The following PPARGC1B variants were observed in gnomAD, a reference collection of about 807,000 sequenced individuals.
The protein encoded by PPARGC1B is peroxisome proliferator-activated receptor gamma coactivator 1-beta.
In PPARGC1B, 34 loss-of-function variants were observed where a neutral mutation model predicts 101.6. The ratio of observed to expected loss-of-function variants is 0.33; its 90% CI spans 0.25 to 0.45. PPARGC1B has a LOEUF of 0.45. Ranked by LOEUF, PPARGC1B falls within the 20% of genes least tolerant of loss-of-function variation. The pLI, the probability that PPARGC1B is intolerant of heterozygous loss-of-function variation, is 1.00. For synonymous variants in PPARGC1B, 548 were observed against 539.3 expected, an observed-to-expected ratio of 1.02 and a Z score of -0.22; for missense variants, 1,234 against 1,317.6, an observed-to-expected ratio of 0.94 and a Z score of 0.98.
chr5:149,814,515 C>T (rs544130702), intron 1 of PPARGC1B, among the ~76,000 whole-genome samples: 6 of 152,190 alleles, frequency 3.9e-5, no homozygotes, highest in South Asian at 2.1e-4. Context: ...CAATGAAGGA[C>T]GCATAGTGAG....
At chr5:149,778,180 C>T (rs909919314) in intron 1 of PPARGC1B, among the ~76,000 whole-genome samples, 3 of 151,180 alleles carry the variant, frequency 2.0e-5, no homozygotes, top group African/African-American at 7.3e-5. Context: ...CCTGGCTGCT[C>T]GTATCCATGG....
chr5:149,730,416 C>A lies in PPARGC1B; in HGVS notation c.74C>A (p.Thr25Lys), dbSNP rs369401772. The stretch of plus-strand genomic sequence containing the variant: ...TTCTTCCTCAACTATCTCGCTGACA[C>A]GCAGGTACGGCCGGCTGGGGCTGCG... ...SSFFLNYLAD[T>K]QGGGSGEEQL... The change falls in exon 1 of 12, where the codon ACG (threonine) becomes AAG (lysine). Residue 25 changes from threonine to lysine, a missense_variant. Thr to Lys is a moderately conservative substitution (Grantham distance 78, BLOSUM62 -1). Coordinates refer to ENST00000309241, the MANE Select transcript of PPARGC1B (RefSeq NM_133263.4). The surrounding 1 kb of genome is among the most constrained non-coding windows in gnomAD (Gnocchi z 4.0). 13 of 1,556,886 alleles carry A rather than the reference C, an allele frequency of 8.3e-6. No individual in the cohort carries two copies. In the East Asian group the frequency reaches 3.3e-4, roughly 39 times the overall value.
chr5:149,795,166 A>G (rs768811111), intron 1 of PPARGC1B, among the ~76,000 whole-genome samples: 1 of 152,198 alleles, frequency 6.6e-6, no homozygotes, highest in Non-Finnish European at 1.5e-5. Flanking sequence ...CTCTGAAATG[A>G]AAAGGTTTTT....
chr5:149,756,177 C>G (rs183441666), intron 1 of PPARGC1B, among the ~76,000 whole-genome samples: 3 of 152,236 alleles, frequency 2.0e-5, no homozygotes, highest in African/African-American at 7.2e-5. Flanking sequence ...TTTAAAAATT[C>G]TTGACAGGGT....
At chr5:149,744,294 A>G (rs1755010969) in intron 1 of PPARGC1B, among the ~76,000 whole-genome samples, 1 of 152,218 alleles carries the variant, frequency 6.6e-6, no homozygotes, top group Admixed American at 6.5e-5. Flanking sequence ...AGGCCTCATG[A>G]TATGAGAAGC....
intron 1 of PPARGC1B, among the ~76,000 whole-genome samples, chr5:149,755,073 A>G (rs1034779593): frequency 4.9e-5 from 7 of 142,936 alleles, no homozygotes; most frequent in Admixed American, 2.1e-4. Context: ...ATATATATAT[A>G]ATTTTTTTTT....
intron 3 of PPARGC1B, among the ~76,000 whole-genome samples, chr5:149,827,264 G>C (rs1278917438): frequency 1.3e-5 from 2 of 152,248 alleles, no homozygotes; most frequent in Admixed American, 6.5e-5. Context: ...CCCTCTCTCT[G>C]TTGCTTTTTC....
rs1234838692 is a variant in PPARGC1B, at chr5:149,832,539, C to T, written c.583-117C>T. Reference sequence around the variant, plus strand: ...AAGCTGGGGACGGAATGAAGGAAACCTGGCTGTTCCTATGATCCAGGTGAG... The same window carrying T: ...AAGCTGGGGACGGAATGAAGGAAACTTGGCTGTTCCTATGATCCAGGTGAG... On this transcript the variant is annotated intron_variant, in intron 4 of 11. Coordinates refer to ENST00000309241, the MANE Select transcript of PPARGC1B (RefSeq NM_133263.4). This position sits in a 1 kb window ranked among gnomAD's most constrained non-coding sequence, Gnocchi z 4.9. The T allele has an allele frequency of 2.4e-6, 2 of 832,208 alleles. No individual in the cohort carries two copies. Among genetic ancestry groups the T allele is most frequent in the African/African-American group, 1.7e-5 (1 of 58,074 alleles). The allele number at this position is 832,208 out of a possible 1,614,324, so 51.6% of individuals were successfully genotyped here.
chr5:149,781,353 T>A (rs1412647419), intron 1 of PPARGC1B, among the ~76,000 whole-genome samples: 1 of 152,240 alleles, frequency 6.6e-6, no homozygotes, highest in Non-Finnish European at 1.5e-5. Flanking sequence ...CCTGCCGTTC[T>A]GCATAGCTGC....
chr5:149,750,022 T>C (rs1004142981), intron 1 of PPARGC1B, among the ~76,000 whole-genome samples: 1 of 152,182 alleles, frequency 6.6e-6, no homozygotes, highest in South Asian at 2.1e-4. Context: ...CAGTGGGTAA[T>C]GTCAGTGTAG....
At chr5:149,767,183 A>G (rs1381484459) in intron 1 of PPARGC1B, among the ~76,000 whole-genome samples, 1 of 152,172 alleles carries the variant, frequency 6.6e-6, no homozygotes, top group African/African-American at 2.4e-5. Context: ...TGGGAGAGGA[A>G]GGTGTGGGTT....
chr5:149,733,914 C>G (rs1054883879), intron 1 of PPARGC1B, among the ~76,000 whole-genome samples: 1 of 151,956 alleles, frequency 6.6e-6, no homozygotes, highest in Non-Finnish European at 1.5e-5. Context: ...AAAATACTGC[C>G]AAGCATAAAG....
chr5:149,823,478 C>G (rs1330449164), intron 2 of PPARGC1B, among the ~76,000 whole-genome samples: 3 of 152,158 alleles, frequency 2.0e-5, no homozygotes, highest in Non-Finnish European at 4.4e-5. Context: ...CCTTTTCCCT[C>G]AGATTTCTTG....
chr5:149,793,975 T>TAAAC (rs1431414996), intron 1 of PPARGC1B, among the ~76,000 whole-genome samples: 2 of 152,210 alleles, frequency 1.3e-5, no homozygotes, highest in African/African-American at 4.8e-5. Context: ...TGCCGGTTTT[T>TAAAC]GTAAAGTTTT....
At chr5:149,803,956 A>G (rs1757513701) in intron 1 of PPARGC1B, among the ~76,000 whole-genome samples, 1 of 152,196 alleles carries the variant, frequency 6.6e-6, no homozygotes, top group South Asian at 2.1e-4. Context: ...CTCACTGACC[A>G]CATGACCAAG....
intron 1 of PPARGC1B, among the ~76,000 whole-genome samples, chr5:149,786,012 G>A (rs1431971911): frequency 2.7e-5 from 4 of 150,646 alleles, no homozygotes; most frequent in African/African-American, 4.9e-5. Flanking sequence ...TCGACCTCCC[G>A]GGCTCAAGGG....
Position 149,835,292 on chromosome 5 carries a change from C to T in PPARGC1B, c.1743-9C>T, listed in dbSNP as rs1759000823. The T allele has an allele frequency of 6.2e-7, 1 of 1,614,076 alleles. No homozygotes were observed. The highest frequency in any genetic ancestry group is 1.1e-5 in the South Asian group (1 of 91,076). Reference sequence around the variant, plus strand: ...CTTCTTTCCTTTCTGTCCTCCCTGCCTCCACCAGCGACCCAACTTTTGGCA... The same window carrying T: ...CTTCTTTCCTTTCTGTCCTCCCTGCTTCCACCAGCGACCCAACTTTTGGCA... On this transcript the variant is annotated splice_polypyrimidine_tract_variant and intron_variant, in intron 6 of 11. Coordinates refer to ENST00000309241, the MANE Select transcript of PPARGC1B (RefSeq NM_133263.4).
intron 1 of PPARGC1B, among the ~76,000 whole-genome samples, chr5:149,801,799 G>C (rs1484894188): frequency 6.6e-6 from 1 of 152,188 alleles, no homozygotes; most frequent in East Asian, 1.9e-4. Flanking sequence ...GGTTAACTCA[G>C]TGACTGGGTG....
intron 10 of PPARGC1B, 46 bp from the exon 11 acceptor site, chr5:149,845,714 C>T: frequency 6.5e-7 from 1 of 1,549,876 alleles, no homozygotes; most frequent in Non-Finnish European, 8.7e-7. Flanking sequence ...TCACAGTGTC[C>T]ACCCAGCCAG....
Sources: allele counts gnomAD v4.1 joint callset (sites outside exome capture counted in the v4.1 genomes callset), GRCh38; gene constraint gnomAD v4.1.1; non-coding constraint Gnocchi (gnomAD v3.1); transcripts MANE v1.5; gene names NCBI Gene and HGNC (gene_info 2026-07-23, HGNC 2026-07-21).